The following ZFYVE9 variants were observed in gnomAD, a reference collection of about 807,000 sequenced individuals.
ZFYVE9 encodes zinc finger FYVE domain-containing protein 9.
ZFYVE9 carries 43 observed loss-of-function variants against 126.7 expected under a neutral mutation model. The observed-to-expected ratio is 0.34, with a 90% CI of 0.27 to 0.44. The LOEUF (loss-of-function observed/expected upper bound fraction) is 0.44, where lower values mean the gene tolerates loss of function less well. Ranked by LOEUF, ZFYVE9 falls within the 20% of genes least tolerant of loss-of-function variation. ZFYVE9 has a pLI of 1.00. For synonymous variants in ZFYVE9, 521 were observed against 597.4 expected (o/e 0.87, Z 1.87); for missense variants, 1,476 against 1,697.0 (o/e 0.87, Z 2.29).
intron 18 of ZFYVE9, 126 bp downstream of exon 18, chr1:52,345,070 T>C: frequency 3.0e-6 from 3 of 1,008,522 alleles, no homozygotes; most frequent in South Asian, 1.6e-5. Context: ...GGATATAGTG[T>C]TTTTGGCCCT....
intron 1 of ZFYVE9, among the ~76,000 whole-genome samples, chr1:52,149,695 A>C (rs1040036717): frequency 6.6e-6 from 1 of 152,114 alleles, no homozygotes; most frequent in Admixed American, 6.6e-5. Flanking sequence ...GGGTTTCACT[A>C]TCTTGGCCAG....
intron 16 of ZFYVE9, among the ~76,000 whole-genome samples, chr1:52,338,791 C>T (rs1037701173): frequency 6.6e-6 from 1 of 152,124 alleles, no homozygotes; most frequent in East Asian, 1.9e-4. Flanking sequence ...GCAGGTGGAT[C>T]GCCTGAGGTT....
At chr1:52,235,381 T>C (rs1412902328) in intron 3 of ZFYVE9, among the ~76,000 whole-genome samples, 2 of 152,222 alleles carry the variant, frequency 1.3e-5, no homozygotes, top group African/African-American at 4.8e-5. Flanking sequence ...ATGAAAATTT[T>C]AATACCCGAT....
chr1:52,341,040 G>T (rs1296502930), intron 17 of ZFYVE9, among the ~76,000 whole-genome samples: 1 of 151,860 alleles, frequency 6.6e-6, no homozygotes, highest in East Asian at 1.9e-4. Flanking sequence ...TACCAACATG[G>T]AGAAACCCCG....
intron 13 of ZFYVE9, among the ~76,000 whole-genome samples, chr1:52,316,788 G>C (rs895862976): frequency 1.3e-5 from 2 of 152,162 alleles, no homozygotes; most frequent in Non-Finnish European, 1.5e-5. Context: ...GAAGGAAGTA[G>C]TAAATAGAAA....
chr1:52,329,471 A>G (rs1417910040), intron 13 of ZFYVE9, among the ~76,000 whole-genome samples: 1 of 152,222 alleles, frequency 6.6e-6, no homozygotes, highest in Non-Finnish European at 1.5e-5. Context: ...ACAAGCAACA[A>G]AAGAAAAAAA....
chr1:52,243,697 A>T (rs1189108238), intron 4 of ZFYVE9, among the ~76,000 whole-genome samples: 1 of 151,964 alleles, frequency 6.6e-6, no homozygotes. Flanking sequence ...TGAGCATGTT[A>T]TGATCATGTC....
intron 4 of ZFYVE9, among the ~76,000 whole-genome samples, chr1:52,245,520 A>G (rs878919441): frequency 3.9e-5 from 6 of 152,218 alleles, no homozygotes; most frequent in African/African-American, 1.4e-4. Flanking sequence ...AACCCTATGA[A>G]GTAGCTAGCT....
intron 1 of ZFYVE9, among the ~76,000 whole-genome samples, chr1:52,214,609 A>ACCTGTAATATTAT (rs2124591986): frequency 6.6e-6 from 1 of 152,134 alleles, no homozygotes; most frequent in African/African-American, 2.4e-5. Context: ...CAATAGAAAA[A>ACCTGTAATATTAT]CCTGTAATAT....
At chr1:52,226,888 G>A (rs1347974856) in intron 2 of ZFYVE9, among the ~76,000 whole-genome samples, 2 of 152,226 alleles carry the variant, frequency 1.3e-5, no homozygotes, top group Non-Finnish European at 2.9e-5. Context: ...GGAGGCAACA[G>A]ATGTGCATTT....
chr1:52,163,264 C>T (rs890013866), intron 1 of ZFYVE9, among the ~76,000 whole-genome samples: 2 of 152,150 alleles, frequency 1.3e-5, no homozygotes, highest in Non-Finnish European at 2.9e-5. Context: ...GGAAAAAACT[C>T]TTCAGTTTCT....
Position 52,303,885 on chromosome 1 carries a change from G to T in ZFYVE9, c.3398G>T (p.Arg1133Leu). ...GGTTTGGTGGTTGATATGGAAGTTC[G>T]GAAAACTAGCATCAAAATTCCCAGC... ...VQGLVVDMEV[R>L]KTSIKIPSNR... Residue 1133 changes from arginine (R) to leucine (L), a missense_variant, in exon 13 of 19, where the codon CGG (arginine) becomes CTG (leucine). By Grantham distance (102) the Arg-to-Leu change is moderately radical. Around this residue, in one of 2 missense-constraint regions of ZFYVE9, gnomAD observed 669 missense variants for 902.4 expected, o/e 0.74. Transcript: ENST00000287727. 14 of 1,599,046 alleles carry T rather than the reference G, an allele frequency of 8.8e-6. No individual in the cohort carries two copies. The highest frequency in any genetic ancestry group is 1.2e-5 in the Non-Finnish European group (14 of 1,172,856).
At chr1:52,334,087 C>T (rs1453994758) in intron 14 of ZFYVE9, among the ~76,000 whole-genome samples, 4 of 146,288 alleles carry the variant, frequency 2.7e-5, no homozygotes, top group Admixed American at 6.8e-5. Flanking sequence ...AGCGAGACTC[C>T]GTCTCAAAAA....
chr1:52,204,509 T>G (rs1384466203), intron 1 of ZFYVE9, among the ~76,000 whole-genome samples: 2 of 152,102 alleles, frequency 1.3e-5, no homozygotes, highest in East Asian at 3.9e-4. Flanking sequence ...GGCAGACCAC[T>G]TGAGGTCAGG....
chr1:52,274,949 A>G (rs910612396), intron 8 of ZFYVE9, among the ~76,000 whole-genome samples: 1 of 152,220 alleles, frequency 6.6e-6, no homozygotes, highest in Admixed American at 6.5e-5. Flanking sequence ...TATAATATAC[A>G]TTCAGAAAGA....
chr1:52,303,189 T>C (rs1646051772), intron 12 of ZFYVE9, among the ~76,000 whole-genome samples: 1 of 152,216 alleles, frequency 6.6e-6, no homozygotes, highest in African/African-American at 2.4e-5. Context: ...GGTATTTATC[T>C]GATCTTTTCT....
At chr1:52,182,358 T>G (rs1025363109) in intron 1 of ZFYVE9, among the ~76,000 whole-genome samples, 4 of 152,000 alleles carry the variant, frequency 2.6e-5, no homozygotes, top group African/African-American at 9.7e-5. Flanking sequence ...GCTGTGTCTG[T>G]GTAGAAAGAA....
intron 2 of ZFYVE9, among the ~76,000 whole-genome samples, chr1:52,222,921 ACTTATT>A (rs1370779368): frequency 7.2e-5 from 11 of 152,256 alleles, no homozygotes; most frequent in African/African-American, 2.6e-4. Context: ...GTAGTGGCCG[ACTTATT>A]CTTATATTTG....
intron 4 of ZFYVE9, among the ~76,000 whole-genome samples, chr1:52,247,399 C>T (rs1192996907): frequency 6.6e-6 from 1 of 152,118 alleles, no homozygotes; most frequent in African/African-American, 2.4e-5. Flanking sequence ...ATATGCATAA[C>T]ATAAAATTTA....
Sources: gnomAD v4.1 joint callset for allele counts (sites outside exome capture counted in the v4.1 genomes callset) on GRCh38, gnomAD v4.1.1 for gene constraint, gnomAD v4.1.1 regional missense constraint, MANE v1.5 for transcripts, NCBI Gene and HGNC (gene_info 2026-07-23, HGNC 2026-07-21) for gene names.